The following BMP8B variants were observed in gnomAD, a reference collection of about 807,000 sequenced individuals.
BMP8B encodes bone morphogenetic protein 8 (osteogenic protein 2).
In BMP8B, 17 loss-of-function variants were observed where a neutral mutation model predicts 30.3. The ratio of observed to expected loss-of-function variants is 0.56; its 90% CI spans 0.38 to 0.84. The LOEUF (loss-of-function observed/expected upper bound fraction) is 0.84, where lower values mean the gene tolerates loss of function less well. Ranked by LOEUF, BMP8B falls within the 40% of genes least tolerant of loss-of-function variation. The pLI is 0.00. For missense variants in BMP8B, 253 were observed against 494.6 expected (o/e 0.51, Z 4.63); for synonymous variants, 131 against 214.7 (o/e 0.61, Z 3.41).
At position 39,771,141 on chromosome 1, in the gene BMP8B, G is replaced by A. The variant is rs915168621; in HGVS notation, c.673+3167C>T. ...ACCGGGTCCGCGTAGAACTTGGCAC[G>A]GAGCCGGGGACTGGTGGCAAAGCAG... On this transcript the variant is annotated intron_variant, in intron 3 of 6. Transcript: ENST00000372827. 17 of 1,555,176 alleles carry A rather than the reference G, an allele frequency of 1.1e-5. 2 individuals carry two copies. The Admixed American group carries it at 2.4e-4, about 22-fold the overall frequency.
At chr1:39,763,838 T>A in intron 4 of BMP8B, 47 bp from the exon 5 acceptor site, 1 of 1,580,798 alleles carries the variant, frequency 6.3e-7, no homozygotes, top group Non-Finnish European at 8.6e-7. Flanking sequence ...TCCTACTGTG[T>A]GCAGCTACTA....
At chr1:39,768,302 A>G (rs1649738868) in intron 3 of BMP8B, among the ~76,000 whole-genome samples, 1 of 107,876 alleles carries the variant, frequency 9.3e-6, no homozygotes, top group South Asian at 2.8e-4. Flanking sequence ...GGGTTCTAGA[A>G]CTCCTCCTGT....
chr1:39,782,908 C>T (rs757950242), intron 1 of BMP8B, among the ~76,000 whole-genome samples: 4 of 152,122 alleles, frequency 2.6e-5, no homozygotes, highest in Middle Eastern at 3.2e-3. Flanking sequence ...ATTCTCTCGC[C>T]TCAGCCGCCT....
chr1:39,776,925 A>T (rs1650275671), intron 1 of BMP8B, among the ~76,000 whole-genome samples: 1 of 152,224 alleles, frequency 6.6e-6, no homozygotes, highest in Non-Finnish European at 1.5e-5. Flanking sequence ...AAAGCAACTA[A>T]AATATGGGAT....
intron 1 of BMP8B, among the ~76,000 whole-genome samples, chr1:39,783,234 C>T (rs182884737): frequency 6.6e-6 from 1 of 152,312 alleles, no homozygotes; most frequent in East Asian, 1.9e-4. Flanking sequence ...AGGGCCTACC[C>T]TCCTACAGCT....
Position 39,782,830 on chromosome 1 carries a change from T to TTAG in BMP8B, c.334+5321_334+5322insCTA, listed in dbSNP as rs546703333. Among the ~76,000 whole-genome samples the TTAG allele has an allele frequency of 3.8e-3, 579 of 152,188 alleles. 16 individuals carry two copies. Among genetic ancestry groups the TTAG allele is most frequent in the Admixed American group, 0.034 (524 of 15,280 alleles). ...TAATCATTGTATTATGATACAGGCA[T>TTAG]TATTATTATTATTTAGACAGAGTCT... On this transcript the variant is annotated intron_variant, in intron 1 of 6. Transcript: ENST00000372827.
intron 3 of BMP8B, among the ~76,000 whole-genome samples, chr1:39,768,169 C>T (rs1569812358): frequency 1.3e-5 from 2 of 151,146 alleles, no homozygotes; most frequent in African/African-American, 4.8e-5. Context: ...TGGGTTACAA[C>T]GGACCATCAC....
chr1:39,762,075 C>G (rs1263657170), intron 6 of BMP8B, among the ~76,000 whole-genome samples: 2 of 152,228 alleles, frequency 1.3e-5, no homozygotes, highest in Non-Finnish European at 2.9e-5. Context: ...CCCACGCGTC[C>G]TCATCATCCC....
At chr1:39,776,837 G>A (rs967633713) in intron 1 of BMP8B, among the ~76,000 whole-genome samples, 2 of 152,082 alleles carry the variant, frequency 1.3e-5, no homozygotes, top group African/African-American at 4.8e-5. Context: ...ACTGTTCTGG[G>A]CAATACAACA....
At chr1:39,783,468 A>G (rs1342994787) in intron 1 of BMP8B, among the ~76,000 whole-genome samples, 2 of 152,226 alleles carry the variant, frequency 1.3e-5, no homozygotes, top group African/African-American at 2.4e-5. Context: ...AAAGGGACCC[A>G]CCTTCAATTA....
chr1:39,787,251 C>G (rs1028164391), intron 1 of BMP8B, among the ~76,000 whole-genome samples: 4 of 151,868 alleles, frequency 2.6e-5, no homozygotes, highest in African/African-American at 9.7e-5. Flanking sequence ...GGGACCCTCT[C>G]CCTCCTCTCA....
intron 1 of BMP8B, among the ~76,000 whole-genome samples, chr1:39,780,290 T>C (rs995026512): frequency 2.0e-5 from 3 of 152,194 alleles, no homozygotes; most frequent in Non-Finnish European, 1.5e-5. Context: ...TCCCAGGTTA[T>C]AGATGAGAGC....
intron 1 of BMP8B, among the ~76,000 whole-genome samples, chr1:39,781,965 T>C (rs1241260875): frequency 6.6e-6 from 1 of 152,018 alleles, no homozygotes; most frequent in Non-Finnish European, 1.5e-5. Context: ...AGGATCAGCC[T>C]GACTAACATG....
chr1:39,762,445 C>T, intron 6 of BMP8B: 1 of 1,471,674 alleles, frequency 6.8e-7, no homozygotes, highest in Non-Finnish European at 9.0e-7. Context: ...TGCCAGAATC[C>T]ACAAACACAC....
chr1:39,779,091 G>T (rs1479231605), intron 1 of BMP8B, among the ~76,000 whole-genome samples: 1 of 152,216 alleles, frequency 6.6e-6, no homozygotes, highest in African/African-American at 2.4e-5. Context: ...TGAAATGAGT[G>T]GCCCTGGAGT....
chr1:39,779,857 T>C (rs772857341), intron 1 of BMP8B, among the ~76,000 whole-genome samples: 23 of 152,340 alleles, frequency 1.5e-4, no homozygotes, highest in Non-Finnish European at 3.1e-4. Context: ...CAAACACATA[T>C]TGTTGCACAT....
At chr1:39,765,303 TTATCAC>T (rs1197696005) in intron 3 of BMP8B, among the ~76,000 whole-genome samples, 1 of 143,356 alleles carries the variant, frequency 7.0e-6, no homozygotes, top group Admixed American at 6.9e-5. Context: ...AATGTCAAAC[TTATCAC>T]CGAGACAGCT....
Position 39,760,165 on chromosome 1 carries a change from C to T in BMP8B, c.*254G>A, listed in dbSNP as rs930605774. 1.7e-5 allele frequency: 10 copies of T among 597,978 alleles called. No individual in the cohort carries two copies. The highest frequency in any genetic ancestry group is 5.6e-5 in the African/African-American group (3 of 53,666). 37.0% of individuals were successfully genotyped at this position (597,978 alleles called of 1,614,324 possible). A position where few individuals can be genotyped will look rare whatever the true frequency, so the allele number is the denominator to read the frequency against. On this transcript the variant is annotated 3_prime_UTR_variant, in exon 7 of 7. Coordinates refer to ENST00000372827, the MANE Select transcript of BMP8B (RefSeq NM_001720.5). ...AGCCAGGACATGCCTCCGGGAGAGG[C>T]GTTTGCATTTGGGTAGAACACTGCC...
In BMP8B at chr1:39,774,959, C is replaced by T; in HGVS notation, c.414G>A (p.Gly138=). The T allele has an allele frequency of 7.3e-7, 1 of 1,365,004 alleles. No homozygotes were observed. The highest frequency in any genetic ancestry group is 2.1e-5 in the Admixed American group (1 of 46,984). The allele number at this position is 1,365,004 out of a possible 1,614,324, so 84.6% of individuals were successfully genotyped here. A position where few individuals can be genotyped will look rare whatever the true frequency, so the allele number is the denominator to read the frequency against. The change falls in exon 2 of 7, where the codon GGG becomes GGA. Residue 138 remains glycine, a synonymous_variant. Transcript: ENST00000372827. ...FRFDLTQIPA[G]EAVTAAEFRI... is the part of the protein sequence containing the mutation. Reference sequence around the variant, plus strand: ...GGAACTCCGCAGCTGTGACCGCCTCCCCAGCCGGGATCTGGGTCAGGTCAA... The same window carrying T: ...GGAACTCCGCAGCTGTGACCGCCTCTCCAGCCGGGATCTGGGTCAGGTCAA...
Sources: gnomAD v4.1 joint callset for allele counts (sites outside exome capture counted in the v4.1 genomes callset) on GRCh38, gnomAD v4.1.1 for gene constraint, MANE v1.5 for transcripts, NCBI Gene and HGNC (gene_info 2026-07-23, HGNC 2026-07-21) for gene names.